The following MAP4 variants were observed in gnomAD, a reference collection of about 807,000 sequenced individuals.
MAP4 encodes the protein microtubule-associated protein 4.
MAP4 carries 76 observed loss-of-function variants against 170.2 expected under a neutral mutation model. The ratio of observed to expected loss-of-function variants is 0.45; its 90% CI spans 0.37 to 0.54. MAP4 has a LOEUF of 0.54. Ranked by LOEUF, MAP4 falls within the 20% of genes least tolerant of loss-of-function variation. The pLI is 0.00. For synonymous variants in MAP4, 909 were observed against 994.5 expected (o/e 0.91, Z 1.62); for missense variants, 2,506 against 2,748.0 (o/e 0.91, Z 1.97).
At chr3:48,000,221 CA>C (rs530513032) in intron 1 of MAP4, among the ~76,000 whole-genome samples, 77 of 79,872 alleles carry the variant, frequency 9.6e-4, no homozygotes, top group African/African-American at 1.7e-3. Flanking sequence ...ACTCCCCCAT[CA>C]AAAAAAAAAA....
chr3:47,954,513 T>A (rs1339866418), intron 3 of MAP4, among the ~76,000 whole-genome samples: 2 of 152,184 alleles, frequency 1.3e-5, no homozygotes, highest in African/African-American at 4.8e-5. Flanking sequence ...AGTTTTGACC[T>A]CTCATCTAAT....
chr3:47,910,382 C>G lies in MAP4; in HGVS notation c.4039G>C (p.Asp1347His), dbSNP rs1204931550. 2.0e-6 allele frequency: 3 copies of G among 1,537,274 alleles called. No individual in the cohort carries two copies. Among genetic ancestry groups the G allele is most frequent in the Middle Eastern group, 1.7e-4 (1 of 5,990 alleles). The change falls in exon 9 of 21, where the codon GAT becomes CAT. Residue 1347 changes from aspartate to histidine, a missense_variant. Transcript: ENST00000683076. ...ACTGCAGTGTATCTATTGGCTGCATCTGTCTTATTCTCCTCAGATACTACT... is the reference window on the plus strand; with the variant it reads ...ACTGCAGTGTATCTATTGGCTGCATGTGTCTTATTCTCCTCAGATACTACT... ...PSVVSEENKT[D>H]AANRYTAVAD...
chr3:47,977,763 A>T, intron 3 of MAP4, 102 bp downstream of exon 3: 1 of 798,476 alleles, frequency 1.3e-6, no homozygotes, highest in Non-Finnish European at 2.1e-6. Flanking sequence ...CCTCAGAAAT[A>T]ATTCATATGC....
upstream of MAP4, among the ~76,000 whole-genome samples, chr3:48,020,546 G>T (rs919745777): frequency 1.3e-5 from 2 of 152,116 alleles, no homozygotes; most frequent in African/African-American, 2.4e-5. Context: ...CGTGGCAAAG[G>T]CCTTACTTTG....
Position 48,021,930 on chromosome 3 carries a change from A to G in MAP4, c.-19-23051T>C, listed in dbSNP as rs142956300. ...AATATAGTAATGAAAACATTGTGGT[A>G]CCTGCACAATCACCAAGAAAGAGGC... On this transcript the variant is annotated intron_variant, in intron 1 of 18. Coordinates refer to the MAP4 transcript ENST00000360240. 7.4e-4 allele frequency among the ~76,000 whole-genome samples: 113 copies of G among 152,350 alleles called. 1 individual carries two copies. The highest frequency in any genetic ancestry group is 2.6e-3 in the African/African-American group (109 of 41,580).
At chr3:47,952,859 G>C in intron 3 of MAP4, among the ~76,000 whole-genome samples, 1 of 151,814 alleles carries the variant, frequency 6.6e-6, no homozygotes, top group East Asian at 1.9e-4. Flanking sequence ...TGGAGGCAGA[G>C]GTTGTAGTGA....
intron 3 of MAP4, chr3:47,974,056 C>A (rs1008868937): frequency 1.1e-5 from 11 of 985,188 alleles, no homozygotes; most frequent in Non-Finnish European, 1.2e-5. Context: ...GAAGTCGCTG[C>A]AAGGATTCAG....
chr3:47,989,983 CAGG>C (rs1162299485), intron 2 of MAP4, among the ~76,000 whole-genome samples: 1 of 152,050 alleles, frequency 6.6e-6, no homozygotes, highest in African/African-American at 2.4e-5. Context: ...TCCCTCTCCC[CAGG>C]AGATGTCAGA....
intron 4 of MAP4, among the ~76,000 whole-genome samples, chr3:47,927,906 C>T (rs892239154): frequency 6.6e-6 from 1 of 152,186 alleles, no homozygotes; most frequent in Non-Finnish European, 1.5e-5. Flanking sequence ...GTGCCTGGCA[C>T]AGAACAGCAC....
chr3:47,856,358 GA>G (rs1395674989), intron 18 of MAP4, among the ~76,000 whole-genome samples: 1 of 151,850 alleles, frequency 6.6e-6, no homozygotes. Flanking sequence ...GATAAAAGGG[GA>G]AAAAAATGGT....
chr3:48,039,368 A>C (rs1352748995), intron 1 of MAP4: 1 of 153,724 alleles, frequency 6.5e-6, no homozygotes. Context: ...TGAAATGCCC[A>C]GGATGCTATA....
intron 3 of MAP4, among the ~76,000 whole-genome samples, chr3:47,946,654 C>CAAAAAAAAA (rs11427271): frequency 1.2e-4 from 5 of 40,814 alleles, no homozygotes; most frequent in Admixed American, 3.3e-4. Flanking sequence ...AACTCCGTCT[C>CAAAAAAAAA]AAAAAAAAAA....
chr3:48,056,984 G>T (rs2100132360), intron 1 of MAP4, among the ~76,000 whole-genome samples: 1 of 112,948 alleles, frequency 8.9e-6, no homozygotes, highest in Non-Finnish European at 1.9e-5. Context: ...GGAGGGAGGT[G>T]GGGGGGGTCA....
At chr3:47,872,268 C>T (rs2093603692) in intron 12 of MAP4, among the ~76,000 whole-genome samples, 168 bp from the exon 13 acceptor site, 1 of 152,204 alleles carries the variant, frequency 6.6e-6, no homozygotes, top group Admixed American at 6.5e-5. Flanking sequence ...ACTGCAGCCT[C>T]CGCCTCCCAG....
intron 1 of MAP4, among the ~76,000 whole-genome samples, chr3:48,006,472 G>T (rs2100102364): frequency 6.6e-6 from 1 of 152,046 alleles, no homozygotes; most frequent in Non-Finnish European, 1.5e-5. Context: ...GGGCCCAGTG[G>T]GTCCCTGGAC....
At chr3:48,041,311 A>G (rs1233563479) in intron 1 of MAP4, among the ~76,000 whole-genome samples, 1 of 151,736 alleles carries the variant, frequency 6.6e-6, no homozygotes, top group African/African-American at 2.4e-5. Context: ...GGGGTTTCAT[A>G]ATGTTGGTCA....
chr3:47,880,259 A>ATTTTTT (rs35700801), intron 10 of MAP4, among the ~76,000 whole-genome samples: 1 of 106,380 alleles, frequency 9.4e-6, no homozygotes, highest in Non-Finnish European at 1.8e-5. Context: ...CACCTGGCTA[A>ATTTTTT]TTTTTTTTTT....
chr3:47,911,828 G>A lies in MAP4; in HGVS notation c.2593C>T (p.Pro865Ser). The change falls in exon 9 of 21, where the codon CCC becomes TCC. Residue 865 changes from proline to serine, a missense_variant. This residue lies in a region of MAP4 where 2,008 missense variants were observed against 2,206.0 expected (regional missense o/e 0.91). Transcript: ENST00000683076. This position sits in a 1 kb window ranked among gnomAD's most constrained non-coding sequence, Gnocchi z 4.0. Reference sequence around the variant, plus strand: ...GACTGAGAACTTATTGCAGTTTTGGGGGCTTCTTCAGAAGGATATAAAGGA... The same window carrying A: ...GACTGAGAACTTATTGCAGTTTTGGAGGCTTCTTCAGAAGGATATAAAGGA... ...RIPLYPSEEAPKTAISSQSKL... is the reference protein window; with the variant it reads ...RIPLYPSEEASKTAISSQSKL... The A allele has an allele frequency of 6.5e-7, 1 of 1,536,042 alleles. No homozygotes were observed. The highest frequency in any genetic ancestry group is 8.7e-7 in the Non-Finnish European group (1 of 1,146,904).
intron 8 of MAP4, among the ~76,000 whole-genome samples, chr3:47,912,645 G>A (rs917276602): frequency 1.3e-5 from 2 of 152,094 alleles, no homozygotes; most frequent in Non-Finnish European, 2.9e-5. Context: ...ATCATCTCAG[G>A]TAAAGATTGT....
Sources: gnomAD v4.1 joint callset for allele counts (sites outside exome capture counted in the v4.1 genomes callset) on GRCh38, gnomAD v4.1.1 for gene constraint, gnomAD v4.1.1 regional missense constraint, Gnocchi (gnomAD v3.1) non-coding constraint, MANE v1.5 for transcripts, NCBI Gene and HGNC (gene_info 2026-07-23, HGNC 2026-07-21) for gene names.